UMOD: variants seen among roughly 807,000 people sequenced by gnomAD.
UMOD encodes uromodulin.
In UMOD, 64 loss-of-function variants were observed where a neutral mutation model predicts 66.0. The ratio of observed to expected loss-of-function variants is 0.97; its 90% CI spans 0.79 to 1.19. The LOEUF (loss-of-function observed/expected upper bound fraction) is 1.19, where lower values mean the gene tolerates loss of function less well. UMOD is among the 50% of genes most tolerant of loss of function. The pLI, the probability that UMOD is intolerant of heterozygous loss-of-function variation, is 0.00. For synonymous variants in UMOD, 398 were observed against 352.7 expected (o/e 1.13, Z -1.44); for missense variants, 764 against 850.9 (o/e 0.90, Z 1.27).
chr16:20,350,586 C>T, intron 2 of UMOD, 64 bp downstream of exon 2: 1 of 1,589,406 alleles, frequency 6.3e-7, no homozygotes, highest in Non-Finnish European at 8.6e-7. Flanking sequence ...ACATTGCTTC[C>T]CCCACACATT....
intron 2 of UMOD, chr16:20,349,813 C>T (rs776436785): frequency 1.3e-6 from 2 of 1,550,072 alleles, no homozygotes; most frequent in South Asian, 2.4e-5. Flanking sequence ...TGCTCAGTGT[C>T]GCCTCCTCTC....
intron 1 of UMOD, chr16:20,352,467 T>C (rs546318998): frequency 3.8e-5 from 15 of 389,902 alleles, no homozygotes; most frequent in South Asian, 2.9e-4. Context: ...ATAACTAATA[T>C]TCATGGAATA....
At chr16:20,349,511 A>G (rs977917815) in intron 2 of UMOD, among the ~76,000 whole-genome samples, 1 of 152,048 alleles carries the variant, frequency 6.6e-6, no homozygotes, top group Non-Finnish European at 1.5e-5. Flanking sequence ...ATAGCCTCCA[A>G]TTCCTGGGTT....
chr16:20,353,492 T>C (rs1042931697), upstream of UMOD, among the ~76,000 whole-genome samples: 5 of 152,184 alleles, frequency 3.3e-5, no homozygotes, highest in African/African-American at 1.2e-4. Flanking sequence ...TCTCCCACAG[T>C]AGTAATAGTA....
At chr16:20,356,137 A>G (rs1966025532), upstream of UMOD, 1 of 152,216 alleles carries the variant, frequency 6.6e-6, no homozygotes, top group East Asian at 1.9e-4. Context: ...GAAAGCGGCA[A>G]AAAATGAGCC....
chr16:20,348,321 G>T lies in UMOD; in HGVS notation c.875C>A (p.Ser292Tyr), dbSNP rs147199402. 6.9e-5 allele frequency: 111 copies of T among 1,614,070 alleles called. No individual in the cohort carries two copies. Among genetic ancestry groups the T allele is most frequent in the Non-Finnish European group, 8.9e-5 (105 of 1,180,044 alleles). ...GCACTCCTCACACGTCCCCTCCACG[G>T]AGCTGGGGTCTGCAGGGTCACAGGG... ...CHLAYCTDPS[S>Y]VEGTCEECSI... Residue 292 changes from serine to tyrosine, a missense_variant, in exon 4 of 11, where the codon TCC (serine) becomes TAC (tyrosine). By Grantham distance (144) the Ser-to-Tyr change is moderately radical (BLOSUM62 -2). Transcript: ENST00000396138.
intron 6 of UMOD, 80 bp downstream of exon 6, chr16:20,343,944 G>A: frequency 1.9e-6 from 3 of 1,550,804 alleles, no homozygotes; most frequent in African/African-American, 1.4e-5. Flanking sequence ...CCTGTGGGTG[G>A]CAGTTGACAG....
intron 7 of UMOD, among the ~76,000 whole-genome samples, chr16:20,340,850 C>T (rs1965167511): frequency 6.6e-6 from 1 of 151,984 alleles, no homozygotes; most frequent in South Asian, 2.1e-4. Context: ...AAAAATTAGC[C>T]AGGCCTGCTG....
chr16:20,341,005 A>T (rs1156253119), intron 7 of UMOD, 86 bp downstream of exon 7: 2 of 1,441,994 alleles, frequency 1.4e-6, no homozygotes, highest in East Asian at 2.5e-5. Flanking sequence ...AAAAAAAAAA[A>T]AAAAGATGCA....
chr16:20,340,506 T>C (rs1965143200), intron 7 of UMOD, among the ~76,000 whole-genome samples: 1 of 150,342 alleles, frequency 6.7e-6, no homozygotes, highest in South Asian at 2.1e-4. Context: ...TACATAAATA[T>C]ATATTTGCCA....
At chr16:20,343,989 C>A (rs748278573) in intron 6 of UMOD, 35 bp downstream of exon 6, 6 of 1,612,224 alleles carry the variant, frequency 3.7e-6, no homozygotes, top group Admixed American at 1.7e-5. Context: ...GGGTTAGAAC[C>A]ATCTAGGGGC....
chr16:20,352,866 T>A (rs1965960261), upstream of UMOD: 1 of 610,798 alleles, frequency 1.6e-6, no homozygotes, highest in East Asian at 3.5e-5. Flanking sequence ...GTCCAAGCTG[T>A]GAGGTTGTTG....
At chr16:20,345,436 T>C (rs1328984182) in intron 5 of UMOD, among the ~76,000 whole-genome samples, 4 of 61,056 alleles carry the variant, frequency 6.6e-5, no homozygotes, top group South Asian at 3.9e-4. Context: ...TTCTCTTTCT[T>C]TCTTTCTTCC....
At chr16:20,335,072 C>T (rs1440233017) in intron 10 of UMOD, among the ~76,000 whole-genome samples, 86 of 152,074 alleles carry the variant, frequency 5.7e-4, no homozygotes, top group Non-Finnish European at 1.3e-4. Context: ...GTGATCCGCC[C>T]GCCTCAGCCT....
chr16:20,346,935 T>A (rs1305555265), intron 4 of UMOD, among the ~76,000 whole-genome samples: 1 of 152,116 alleles, frequency 6.6e-6, no homozygotes. Flanking sequence ...AAGCTGCAAT[T>A]ACTTTCTACC....
chr16:20,345,630 G>A (rs893134965), intron 5 of UMOD, among the ~76,000 whole-genome samples: 1 of 149,920 alleles, frequency 6.7e-6, no homozygotes, highest in East Asian at 2.0e-4. Flanking sequence ...AATGAGGGAG[G>A]TGGCAGGAGA....
intron 8 of UMOD, 116 bp from the exon 9 acceptor site, chr16:20,336,843 G>T: frequency 5.6e-6 from 5 of 887,302 alleles, no homozygotes; most frequent in African/African-American, 1.7e-5. Flanking sequence ...GGCAGAAGTT[G>T]TTAGGAGACC....
chr16:20,350,524 A>G, intron 2 of UMOD, 126 bp downstream of exon 2: 1 of 1,230,978 alleles, frequency 8.1e-7, no homozygotes. Flanking sequence ...GAATGAAGAC[A>G]ATGCAAGTCT....
At chr16:20,353,798 G>A (rs946024387), upstream of UMOD, among the ~76,000 whole-genome samples, 1 of 151,840 alleles carries the variant, frequency 6.6e-6, no homozygotes, top group Non-Finnish European at 1.5e-5. Flanking sequence ...GGGTACAAGT[G>A]CACAACGTGC....
Sources: gnomAD v4.1 joint callset for allele counts (sites outside exome capture counted in the v4.1 genomes callset) on GRCh38, gnomAD v4.1.1 for gene constraint, MANE v1.5 for transcripts, NCBI Gene and HGNC (gene_info 2026-07-23, HGNC 2026-07-21) for gene names.